The following ITGB3 variants were observed in gnomAD, a reference collection of about 807,000 sequenced individuals.
The protein encoded by ITGB3 is integrin beta-3.
A neutral mutation model predicts 85.8 loss-of-function variants in ITGB3; 48 were observed. The ratio of observed to expected loss-of-function variants is 0.56; its 90% CI spans 0.44 to 0.71. The LOEUF (loss-of-function observed/expected upper bound fraction) is 0.71, where lower values mean the gene tolerates loss of function less well. ITGB3 is among the 30% of genes least tolerant of loss of function. The pLI is 0.00. For missense variants in ITGB3, 861 were observed against 1,019.1 expected (o/e 0.84, Z 2.11); for synonymous variants, 363 against 395.6 (o/e 0.92, Z 0.98).
chr17:47,276,685 TG>T (rs370808792), intron 2 of ITGB3, among the ~76,000 whole-genome samples: 1 of 152,058 alleles, frequency 6.6e-6, no homozygotes, highest in Non-Finnish European at 1.5e-5. Flanking sequence ...GACCCCAGTA[TG>T]GGACAGAATG....
At chr17:47,263,920 A>G (rs971031293) in intron 1 of ITGB3, among the ~76,000 whole-genome samples, 1 of 152,224 alleles carries the variant, frequency 6.6e-6, no homozygotes, top group African/African-American at 2.4e-5. Context: ...CCTTGTGAAC[A>G]AAAGTTCTCT....
intron 1 of ITGB3, among the ~76,000 whole-genome samples, chr17:47,257,135 A>G (rs949258406): frequency 1.3e-5 from 2 of 152,216 alleles, no homozygotes. Context: ...GACAACTACT[A>G]TTGTCATTAT....
chr17:47,286,831 GATC>G (rs1444677973), intron 5 of ITGB3, among the ~76,000 whole-genome samples: 1 of 152,222 alleles, frequency 6.6e-6, no homozygotes, highest in Non-Finnish European at 1.5e-5. Context: ...AGTTTAAGAA[GATC>G]TCATTCAGCT....
intron 2 of ITGB3, chr17:47,279,417 G>A (rs968493183): frequency 6.6e-6 from 1 of 152,218 alleles, no homozygotes; most frequent in Non-Finnish European, 1.5e-5. Context: ...TCACTGCCTT[G>A]GTGCTCTTCT....
intron 2 of ITGB3, among the ~76,000 whole-genome samples, chr17:47,275,751 G>T (rs1567762137): frequency 1.3e-5 from 2 of 152,248 alleles, no homozygotes; most frequent in African/African-American, 4.8e-5. Flanking sequence ...TGGCCTCTTT[G>T]CCGTTCAGCA....
chr17:47,286,169 T>C (rs1434347954), intron 4 of ITGB3, 91 bp from the exon 5 acceptor site: 1 of 1,434,652 alleles, frequency 7.0e-7, no homozygotes, highest in African/African-American at 1.4e-5. Context: ...GGCATACCAC[T>C]ATCTATATTT....
intron 10 of ITGB3, among the ~76,000 whole-genome samples, chr17:47,294,163 A>C (rs1050423143): frequency 4.6e-5 from 7 of 152,236 alleles, no homozygotes; most frequent in Non-Finnish European, 1.0e-4. Context: ...ACACAGATGA[A>C]AGCACAAACA....
chr17:47,297,881 C>CAAAA (rs10665875), intron 10 of ITGB3, among the ~76,000 whole-genome samples: 17 of 115,692 alleles, frequency 1.5e-4, no homozygotes, highest in Admixed American at 3.6e-4. Context: ...GACTCTGTCT[C>CAAAA]AAAAAAAAAA....
chr17:47,256,478 C>A (rs551619212), intron 1 of ITGB3, among the ~76,000 whole-genome samples: 9 of 151,612 alleles, frequency 5.9e-5, no homozygotes, highest in East Asian at 1.9e-4. Flanking sequence ...GTAATACCCC[C>A]CCCCCCAACC....
At position 47,310,258 on chromosome 17, in the gene ITGB3, C is replaced by CT; in HGVS notation, c.*54_*55insT. The CT allele has an allele frequency of 1.3e-6, 2 of 1,493,786 alleles. No homozygotes were observed. Among genetic ancestry groups the CT allele is most frequent in the Non-Finnish European group, 1.9e-6 (2 of 1,070,716 alleles). 92.5% of individuals were successfully genotyped at this position (1,493,786 alleles called of 1,614,324 possible). A position where few individuals can be genotyped will look rare whatever the true frequency, so the allele number is the denominator to read the frequency against. ...CAGCCTGTGCCACGATTGCAGGAGT[C>CT]CCTGCCATCATGTTTACAGAGGACA... On this transcript the variant is annotated 3_prime_UTR_variant, in exon 15 of 15. Transcript: ENST00000559488.
Position 47,300,548 on chromosome 17 carries a change from C to T in ITGB3, c.1984C>T (p.Arg662Cys), listed in dbSNP as rs151219882. 158 of 1,614,034 alleles carry T rather than the reference C, an allele frequency of 9.8e-5. No homozygotes were observed. The highest frequency in any genetic ancestry group is 1.3e-4 in the Non-Finnish European group (152 of 1,179,948). Residue 662 changes from arginine to cysteine, a missense_variant, in exon 12 of 15, where the codon CGT (arginine) becomes TGT (cysteine). Transcript: ENST00000559488. ...HDENTCNRYC[R>C]DEIESVKELK... ...CGAAAATACCTGCAACCGTTACTGC[C>T]GTGACGAGATTGAGTCAGTGAAAGA...
intron 10 of ITGB3, among the ~76,000 whole-genome samples, chr17:47,296,953 T>G (rs1178570232): frequency 6.6e-6 from 1 of 152,154 alleles, no homozygotes; most frequent in Non-Finnish European, 1.5e-5. Flanking sequence ...GCTTAAATAG[T>G]TCAGAACATT....
chr17:47,281,016 T>C (rs1281544782), intron 2 of ITGB3, among the ~76,000 whole-genome samples: 1 of 152,254 alleles, frequency 6.6e-6, no homozygotes, highest in Non-Finnish European at 1.5e-5. Flanking sequence ...AAGCCTCAGA[T>C]TCCTTACCTG....
chr17:47,266,028 T>C (rs922317859), intron 1 of ITGB3, among the ~76,000 whole-genome samples: 1 of 152,218 alleles, frequency 6.6e-6, no homozygotes, highest in African/African-American at 2.4e-5. Flanking sequence ...AAATAAACTT[T>C]CTTAGCAACT....
intron 1 of ITGB3, among the ~76,000 whole-genome samples, chr17:47,264,553 A>T (rs937870811): frequency 2.0e-5 from 3 of 151,998 alleles, no homozygotes; most frequent in Non-Finnish European, 4.4e-5. Flanking sequence ...CTCTGCTCAG[A>T]TTCCTCCAGT....
chr17:47,284,252 A>C (rs1385215262), intron 3 of ITGB3, among the ~76,000 whole-genome samples, 191 bp from the exon 4 acceptor site: 2 of 152,190 alleles, frequency 1.3e-5, no homozygotes, highest in African/African-American at 4.8e-5. Flanking sequence ...TTTAGAATGG[A>C]AAAGAAGAGG....
intron 2 of ITGB3, among the ~76,000 whole-genome samples, chr17:47,277,825 C>CT (rs1205541100): frequency 1.3e-5 from 2 of 152,106 alleles, no homozygotes; most frequent in East Asian, 3.9e-4. Context: ...GAGGAAGACT[C>CT]TAATAGGATT....
chr17:47,276,047 G>A (rs8074348), intron 2 of ITGB3, among the ~76,000 whole-genome samples: 25 of 151,914 alleles, frequency 1.6e-4, no homozygotes, highest in African/African-American at 5.8e-4. Flanking sequence ...GAAGAAGAGA[G>A]AGCTGAATGG....
At chr17:47,292,046 T>C (rs2065128353) in intron 9 of ITGB3, 93 bp from the exon 10 acceptor site, 22 of 1,340,824 alleles carry the variant, frequency 1.6e-5, no homozygotes, top group Non-Finnish European at 2.2e-5. Flanking sequence ...TGGGTATTCC[T>C]TGGCAGGGCA....
Sources: gnomAD v4.1 joint callset for allele counts (sites outside exome capture counted in the v4.1 genomes callset) on GRCh38, gnomAD v4.1.1 for gene constraint, MANE v1.5 for transcripts, NCBI Gene and HGNC (gene_info 2026-07-23, HGNC 2026-07-21) for gene names.